Variants in PROKR1 observed in about 807,000 individuals in gnomAD.
PROKR1 encodes prokineticin receptor 1.
In PROKR1, 21 loss-of-function variants were observed where a neutral mutation model predicts 22.8. The ratio of observed to expected loss-of-function variants is 0.92; its 90% CI spans 0.65 to 1.32. The LOEUF (loss-of-function observed/expected upper bound fraction) is 1.32. PROKR1 is among the 40% of genes most tolerant of loss of function. The probability of loss-of-function intolerance (pLI) is 0.00; values close to 1 mark genes in which losing one functional copy is unlikely to be tolerated. For synonymous variants in PROKR1, 193 were observed against 207.5 expected, an observed-to-expected ratio of 0.93 and a Z score of 0.60; for missense variants, 548 against 514.2, an observed-to-expected ratio of 1.07 and a Z score of -0.64.
intron 2 of PROKR1, among the ~76,000 whole-genome samples, chr2:68,650,936 A>AGTGAATTT (rs933470472): frequency 2.0e-5 from 3 of 152,126 alleles, no homozygotes; most frequent in Non-Finnish European, 4.4e-5. Flanking sequence ...GATTGCCTGA[A>AGTGAATTT]GTGAATTTGA....
intron 2 of PROKR1, among the ~76,000 whole-genome samples, chr2:68,653,160 G>C (rs1673371980): frequency 6.6e-6 from 1 of 152,196 alleles, no homozygotes; most frequent in African/African-American, 2.4e-5. Context: ...TCTTAATGAA[G>C]GGCCCACACT....
chr2:68,656,603 T>A lies in PROKR1; in HGVS notation c.*1027T>A, dbSNP rs969793928. The A allele has an allele frequency of 6.6e-6, 1 of 152,206 alleles. No homozygotes were observed. The highest frequency in any genetic ancestry group is 1.5e-5 in the Non-Finnish European group (1 of 68,032). The allele number at this position is 152,206 out of a possible 1,614,324, so 9.4% of individuals were successfully genotyped here. On this transcript the variant is annotated 3_prime_UTR_variant, in exon 3 of 3. Coordinates refer to ENST00000303786, the MANE Select transcript of PROKR1 (RefSeq NM_138964.4). Reference sequence around the variant, plus strand: ...GAAAATGGACACAATACCTCCTGGATGTGGCCTTCATTCATTTTTCTGTTT... The same window carrying A: ...GAAAATGGACACAATACCTCCTGGAAGTGGCCTTCATTCATTTTTCTGTTT...
At chr2:68,646,433 G>A (rs1050968307) in intron 2 of PROKR1, 127 bp downstream of exon 2, 3 of 1,386,422 alleles carry the variant, frequency 2.2e-6, no homozygotes, top group Non-Finnish European at 3.0e-6. Flanking sequence ...GTGGTTGCAT[G>A]GGGGACTCAA....
rs149884740 is a variant in PROKR1, at chr2:68,651,409, C to A, written c.486-3471C>A. Among the ~76,000 whole-genome samples the A allele has an allele frequency of 2.3e-3, 348 of 152,298 alleles. 3 individuals carry two copies. The highest frequency in any genetic ancestry group is 7.8e-3 in the African/African-American group (324 of 41,568). ...AACAAAAAAGGATCATGAGAGACCT[C>A]TGCCCCAGCCACAGGTATGGGTTTC... is the stretch of plus-strand genomic sequence containing the variant. On this transcript the variant is annotated intron_variant, in intron 2 of 2. Coordinates refer to ENST00000303786, the MANE Select transcript of PROKR1 (RefSeq NM_138964.4).
intron 2 of PROKR1, among the ~76,000 whole-genome samples, chr2:68,650,387 A>C (rs757703878): frequency 6.6e-6 from 1 of 152,170 alleles, no homozygotes; most frequent in African/African-American, 2.4e-5. Context: ...AACTGTCCCC[A>C]TGGCTTTTTA....
rs1673414507 is a variant in PROKR1 at position 68,655,018 on chromosome 2, T to C, written c.624T>C (p.Ile208=). 6.2e-7 allele frequency: 1 copy of C among 1,613,346 alleles called. No homozygotes were observed. Among genetic ancestry groups the C allele is most frequent in the South Asian group, 1.1e-5 (1 of 91,058 alleles). The change falls in exon 3 of 3, where the codon ATT becomes ATC. Residue 208 remains isoleucine (I), a synonymous_variant. Coordinates refer to ENST00000303786, the MANE Select transcript of PROKR1 (RefSeq NM_138964.4). ...TCACCACCGAGACGGTCCTCGTCAT[T>C]GTCAAGAGCCAGGAAAAGATCTTCT... ...AYFTTETVLV[I]VKSQEKIFCG...
chr2:68,644,866 G>A (rs1163309019), intron 1 of PROKR1, among the ~76,000 whole-genome samples: 12 of 152,142 alleles, frequency 7.9e-5, no homozygotes, highest in Non-Finnish European at 2.9e-5. Context: ...CCATTATGTG[G>A]TGTGGTGGAG....
chr2:68,652,930 G>C (rs1185372551), intron 2 of PROKR1, among the ~76,000 whole-genome samples: 2 of 152,176 alleles, frequency 1.3e-5, no homozygotes, highest in East Asian at 1.9e-4. Context: ...CATCATAAAG[G>C]CTTAGGTAGC....
At chr2:68,650,117 G>A (rs576170727) in intron 2 of PROKR1, among the ~76,000 whole-genome samples, 212 of 151,204 alleles carry the variant, frequency 1.4e-3, no homozygotes, top group Non-Finnish European at 2.3e-3. Context: ...CCTAATGCTA[G>A]ATGACGAGTT....
At chr2:68,648,940 G>C in intron 2 of PROKR1, among the ~76,000 whole-genome samples, 1 of 152,128 alleles carries the variant, frequency 6.6e-6, no homozygotes, top group Non-Finnish European at 1.5e-5. Flanking sequence ...GGGTTGCTTT[G>C]AGGATTGAAT....
rs1305864519 is a variant in PROKR1 at position 68,655,141 on chromosome 2, C to A, written c.747C>A (p.Thr249=). The change falls in exon 3 of 3, where the codon ACC becomes ACA. Residue 249 remains threonine, a synonymous_variant. Transcript: ENST00000303786. Reference sequence around the variant, plus strand: ...TCGTGGGCCCCGTGGTCACCATGACCCTGTGCTATGCCAGGATCTCCCGGG... The same window carrying A: ...TCGTGGGCCCCGTGGTCACCATGACACTGTGCTATGCCAGGATCTCCCGGG... ...IEFVGPVVTM[T]LCYARISREL... is the part of the protein sequence containing the mutation. The A allele has an allele frequency of 6.2e-7, 1 of 1,614,192 alleles. No homozygotes were observed. The highest frequency in any genetic ancestry group is 1.7e-5 in the Admixed American group (1 of 60,026).
chr2:68,655,409 A>T lies in PROKR1; in HGVS notation c.1015A>T (p.Thr339Ser), dbSNP rs1237040563. ...CGCCATGAGCAACAGCATGATCAACACTCTGTGCTTCGTGACCGTCAAGAA... is the reference window on the plus strand; with the variant it reads ...CGCCATGAGCAACAGCATGATCAACTCTCTGTGCTTCGTGACCGTCAAGAA... ...CIAMSNSMIN[T>S]LCFVTVKNDT... Residue 339 changes from threonine to serine, a missense_variant, in exon 3 of 3, where the codon ACT becomes TCT. Thr to Ser is a moderately conservative substitution (Grantham distance 58, BLOSUM62 1). Coordinates refer to ENST00000303786, the MANE Select transcript of PROKR1 (RefSeq NM_138964.4). 1 of 1,613,932 alleles carries T rather than the reference A, an allele frequency of 6.2e-7. No individual in the cohort carries two copies. The highest frequency in any genetic ancestry group is 8.5e-7 in the Non-Finnish European group (1 of 1,179,988).
At chr2:68,652,192 C>G (rs2104190158) in intron 2 of PROKR1, among the ~76,000 whole-genome samples, 1 of 152,244 alleles carries the variant, frequency 6.6e-6, no homozygotes, top group African/African-American at 2.4e-5. Flanking sequence ...CCCCAAGCCT[C>G]AGTTTTCTCA....
Position 68,655,803 on chromosome 2 carries a change from C to G in PROKR1, c.*227C>G, listed in dbSNP as rs1673442813. On this transcript the variant is annotated 3_prime_UTR_variant, in exon 3 of 3. Transcript: ENST00000303786. ...TGTCTAATTTACACGCCAGTAGGTA[C>G]TGGTAAAACCTATATATGTTGATGA... is the stretch of plus-strand genomic sequence containing the variant. 1.0e-5 allele frequency: 6 copies of G among 580,868 alleles called. No homozygotes were observed. The South Asian group carries it at 1.2e-4, about 12-fold the overall frequency. 36.0% of individuals were successfully genotyped at this position (580,868 alleles called of 1,614,324 possible). A position where few individuals can be genotyped will look rare whatever the true frequency, so the allele number is the denominator to read the frequency against.
rs1673159668 is a variant in PROKR1 at position 68,645,755 on chromosome 2, A to G, written c.-67A>G. ...AGCTGGCTGATAGCAGAGAGGGGTG[A>G]CATCAGCCTTGCAGACATTGCCCTG... On this transcript the variant is annotated 5_prime_UTR_variant, in exon 2 of 3. Coordinates refer to ENST00000303786, the MANE Select transcript of PROKR1 (RefSeq NM_138964.4). 1.4e-5 allele frequency: 23 copies of G among 1,608,564 alleles called. No individual in the cohort carries two copies. In the South Asian group the frequency reaches 2.5e-4, roughly 18 times the overall value.
chr2:68,653,311 C>T (rs1232719797), intron 2 of PROKR1, among the ~76,000 whole-genome samples: 2 of 152,136 alleles, frequency 1.3e-5, no homozygotes, highest in Non-Finnish European at 2.9e-5. Context: ...CTTTATTTAA[C>T]ATCTGGGGCT....
intron 1 of PROKR1, among the ~76,000 whole-genome samples, chr2:68,645,418 C>G (rs1330955484): frequency 6.6e-6 from 1 of 152,244 alleles, no homozygotes; most frequent in African/African-American, 2.4e-5. Flanking sequence ...TGCAACACTT[C>G]TGAGTCTTCA....
chr2:68,654,782 G>C, intron 2 of PROKR1, 98 bp from the exon 3 acceptor site: 6 of 1,187,118 alleles, frequency 5.1e-6, no homozygotes, highest in Non-Finnish European at 7.3e-6. Flanking sequence ...ACTCCAGCCT[G>C]GGTGACAGAG....
intron 1 of PROKR1, among the ~76,000 whole-genome samples, 176 bp from the exon 2 acceptor site, chr2:68,645,486 C>T (rs143787819): frequency 6.6e-6 from 1 of 152,298 alleles, no homozygotes; most frequent in Non-Finnish European, 1.5e-5. Context: ...TCCACCCTTC[C>T]CTAATTGAGT....
Sources: allele counts gnomAD v4.1 joint callset (sites outside exome capture counted in the v4.1 genomes callset), GRCh38; gene constraint gnomAD v4.1.1; transcripts MANE v1.5; gene names NCBI Gene and HGNC (gene_info 2026-07-23, HGNC 2026-07-21).